The following ELMO1 variants were observed in gnomAD, a reference collection of about 807,000 sequenced individuals.
ELMO1 encodes engulfment and cell motility protein 1.
ELMO1 carries 26 observed loss-of-function variants against 98.9 expected under a neutral mutation model. The observed-to-expected ratio is 0.26, with a 90% CI of 0.19 to 0.36. ELMO1 has a LOEUF of 0.36. Ranked by LOEUF, ELMO1 falls within the 10% of genes least tolerant of loss-of-function variation. The pLI is 1.00. For synonymous variants in ELMO1, 346 were observed against 346.0 expected, an observed-to-expected ratio of 1.00 and a Z score of 0.00; for missense variants, 627 against 935.2, an observed-to-expected ratio of 0.67 and a Z score of 4.30.
chr7:37,219,107 C>G (rs10279544), intron 10 of ELMO1, among the ~76,000 whole-genome samples: 42,514 of 152,062 alleles, frequency 0.28, 6,596 homozygotes, highest in African/African-American at 0.41. Context: ...TGCCAGGAAA[C>G]TGAGAATCTC....
chr7:37,388,459 A>G (rs1461489153), intron 1 of ELMO1, among the ~76,000 whole-genome samples: 1 of 151,282 alleles, frequency 6.6e-6, no homozygotes, highest in Non-Finnish European at 1.5e-5. Flanking sequence ...CCACATTTCA[A>G]AGAATGACAT....
intron 13 of ELMO1, among the ~76,000 whole-genome samples, chr7:37,198,113 T>C (rs1218245242): frequency 6.6e-6 from 1 of 152,142 alleles, no homozygotes; most frequent in Non-Finnish European, 1.5e-5. Context: ...GTAGCAAAAA[T>C]ACAGAGCAAA....
chr7:37,033,621 T>C (rs1450265423), intron 15 of ELMO1, among the ~76,000 whole-genome samples: 1 of 152,152 alleles, frequency 6.6e-6, no homozygotes. Context: ...ACTGAATATC[T>C]GATGAAATGA....
chr7:37,010,706 G>A (rs1166652536), intron 16 of ELMO1, among the ~76,000 whole-genome samples: 2 of 152,188 alleles, frequency 1.3e-5, no homozygotes, highest in African/African-American at 2.4e-5. Context: ...TCCATTGCTG[G>A]CTTCTGAACT....
At chr7:36,923,356 G>GGA (rs1489891899) in intron 16 of ELMO1, among the ~76,000 whole-genome samples, 2 of 152,188 alleles carry the variant, frequency 1.3e-5, no homozygotes. Flanking sequence ...ATCTCAGGTA[G>GGA]GAGAGTAAAG....
At chr7:37,292,767 C>A (rs1489977612) in intron 4 of ELMO1, among the ~76,000 whole-genome samples, 1 of 100,114 alleles carries the variant, frequency 1.0e-5, no homozygotes, top group East Asian at 2.9e-4. Flanking sequence ...CGGCCAGCCA[C>A]CCCGTCTGGG....
chr7:37,267,763 C>G (rs751169725), intron 5 of ELMO1, among the ~76,000 whole-genome samples: 2 of 152,170 alleles, frequency 1.3e-5, no homozygotes, highest in Non-Finnish European at 2.9e-5. Context: ...TTCCCTTGTT[C>G]ATAGCTTTTG....
chr7:37,040,666 T>G (rs1298531926), intron 15 of ELMO1, among the ~76,000 whole-genome samples: 1 of 152,198 alleles, frequency 6.6e-6, no homozygotes, highest in African/African-American at 2.4e-5. Flanking sequence ...AGTGTATTTC[T>G]CCATCAGTGA....
Position 37,197,582 on chromosome 7 carries a change from A to G in ELMO1, c.1086+13804T>C, listed in dbSNP as rs566169405. Among the ~76,000 whole-genome samples, 13 of 152,352 alleles carry G rather than the reference A, an allele frequency of 8.5e-5. No individual in the cohort carries two copies. The East Asian group carries it at 1.9e-3, about 23-fold the overall frequency. On this transcript the variant is annotated intron_variant, in intron 13 of 21. Coordinates refer to ENST00000310758, the MANE Select transcript of ELMO1 (RefSeq NM_014800.11). ...TACCACAACAGCACACTGTCTCAGG[A>G]GAAAGGATAAAGATAGAAGGCATGC...
At chr7:37,198,274 C>T (rs1344873790) in intron 13 of ELMO1, among the ~76,000 whole-genome samples, 1 of 152,218 alleles carries the variant, frequency 6.6e-6, no homozygotes, top group Non-Finnish European at 1.5e-5. Context: ...TATTTCTACT[C>T]TCAGACCCAG....
At chr7:37,171,980 A>G (rs1790198094) in intron 13 of ELMO1, among the ~76,000 whole-genome samples, 2 of 151,060 alleles carry the variant, frequency 1.3e-5, no homozygotes, top group Admixed American at 1.3e-4. Flanking sequence ...ATACAAGTAA[A>G]GTTAGTAAAA....
intron 1 of ELMO1, among the ~76,000 whole-genome samples, chr7:37,390,314 C>T (rs1164655005): frequency 2.6e-5 from 4 of 152,316 alleles, no homozygotes; most frequent in Non-Finnish European, 5.9e-5. Flanking sequence ...AACGGTTTCA[C>T]ATGAAGCCCG....
chr7:36,872,308 G>T lies in ELMO1; in HGVS notation c.1823-1833C>A, dbSNP rs567556108. 7.2e-5 allele frequency among the ~76,000 whole-genome samples: 11 copies of T among 152,260 alleles called. No homozygotes were observed. The South Asian group carries it at 2.3e-3, about 32-fold the overall frequency. On this transcript the variant is annotated intron_variant, in intron 19 of 21. Coordinates refer to ENST00000310758, the MANE Select transcript of ELMO1 (RefSeq NM_014800.11). Reference sequence around the variant, plus strand: ...ACGATAGTCAGAGGGCAATTCCTAGGGTTGGAAATAAACAGAAAGTGAGAG... The same window carrying T: ...ACGATAGTCAGAGGGCAATTCCTAGTGTTGGAAATAAACAGAAAGTGAGAG...
rs117574230 is a variant in ELMO1 at position 36,957,188 on chromosome 7, G to A, written c.1437+56111C>T. Among the ~76,000 whole-genome samples the A allele has an allele frequency of 8.1e-3, 1,230 of 152,206 alleles. 7 individuals are homozygous for A. The highest frequency in any genetic ancestry group is 0.014 in the Non-Finnish European group (951 of 68,024). On this transcript the variant is annotated intron_variant, in intron 16 of 21. Coordinates refer to ENST00000310758, the MANE Select transcript of ELMO1 (RefSeq NM_014800.11). Reference sequence around the variant, plus strand: ...ATACATTCAGGCAAAGACCCCAGTCGCTGAGTGGTGATTTCCTAATCTAGA... The same window carrying A: ...ATACATTCAGGCAAAGACCCCAGTCACTGAGTGGTGATTTCCTAATCTAGA...
At chr7:37,375,775 C>T in intron 1 of ELMO1, 2 of 1,028,298 alleles carry the variant, frequency 1.9e-6, no homozygotes, top group Non-Finnish European at 3.0e-6. Flanking sequence ...TTACCTTCAT[C>T]TGACCCTGGA....
chr7:36,905,969 A>G (rs1783929736), intron 16 of ELMO1, among the ~76,000 whole-genome samples: 1 of 152,240 alleles, frequency 6.6e-6, no homozygotes, highest in South Asian at 2.1e-4. Context: ...ATAAGCTGTT[A>G]AATAGTGACA....
chr7:37,174,978 T>A (rs1395347954), intron 13 of ELMO1, among the ~76,000 whole-genome samples: 1 of 150,672 alleles, frequency 6.6e-6, no homozygotes, highest in Non-Finnish European at 1.5e-5. Flanking sequence ...ATTTTCTCAA[T>A]AAAAGAGGAA....
At chr7:37,444,224 G>C (rs570025405) in intron 1 of ELMO1, among the ~76,000 whole-genome samples, 2 of 152,320 alleles carry the variant, frequency 1.3e-5, no homozygotes, top group African/African-American at 4.8e-5. Flanking sequence ...CTCCAGAAGA[G>C]ATTACAACTG....
chr7:37,065,329 T>C (rs1216357042), intron 15 of ELMO1, among the ~76,000 whole-genome samples: 4 of 151,902 alleles, frequency 2.6e-5, no homozygotes, highest in Non-Finnish European at 4.4e-5. Flanking sequence ...TGAAAAGAGG[T>C]GTCTCCATCA....
Sources: gnomAD v4.1 joint callset for allele counts (sites outside exome capture counted in the v4.1 genomes callset) on GRCh38, gnomAD v4.1.1 for gene constraint, MANE v1.5 for transcripts, NCBI Gene and HGNC (gene_info 2026-07-23, HGNC 2026-07-21) for gene names.